The following PIP4P2 variants were observed in gnomAD, a reference collection of about 807,000 sequenced individuals.
PIP4P2 encodes the protein phosphatidylinositol-4,5-bisphosphate 4-phosphatase 2.
In PIP4P2, 19 loss-of-function variants were observed where a neutral mutation model predicts 33.3. The observed-to-expected ratio is 0.57, with a 90% CI of 0.40 to 0.84. The LOEUF (loss-of-function observed/expected upper bound fraction) is 0.84, where lower values mean the gene tolerates loss of function less well. PIP4P2 is among the 40% of genes least tolerant of loss of function. PIP4P2 has a pLI of 0.00. For missense variants in PIP4P2, 270 were observed against 324.7 expected, an observed-to-expected ratio of 0.83 and a Z score of 1.29; for synonymous variants, 110 against 111.9, an observed-to-expected ratio of 0.98 and a Z score of 0.11.
chr8:91,036,881 A>G (rs79955647), intron 1 of PIP4P2, among the ~76,000 whole-genome samples: 2,657 of 152,184 alleles, frequency 0.017, 34 homozygotes, highest in Middle Eastern at 0.051. Flanking sequence ...TGAAGGCTCA[A>G]TTGAGCTTGG....
intron 5 of PIP4P2, among the ~76,000 whole-genome samples, chr8:91,004,802 T>C (rs546069166): frequency 6.6e-6 from 1 of 152,188 alleles, no homozygotes; most frequent in South Asian, 2.1e-4. Context: ...ATAGCCTCAA[T>C]TATTTCAGAG....
At chr8:91,035,030 A>G (rs1169901836) in intron 1 of PIP4P2, among the ~76,000 whole-genome samples, 1 of 152,214 alleles carries the variant, frequency 6.6e-6, no homozygotes, top group Non-Finnish European at 1.5e-5. Context: ...TTACTGTAGG[A>G]TTTCTAAGAA....
chr8:91,019,408 AAAAAAAAAAAAAAAAAT>A (rs1170900629), intron 3 of PIP4P2, among the ~76,000 whole-genome samples: 2 of 141,844 alleles, frequency 1.4e-5, no homozygotes, highest in African/African-American at 2.6e-5. Flanking sequence ...AAAAAAAAAA[AAAAAAAAAAAAAAAAAT>A]ATATTACCTG....
intron 1 of PIP4P2, among the ~76,000 whole-genome samples, chr8:91,025,166 G>C (rs1045204158): frequency 6.6e-6 from 1 of 150,838 alleles, no homozygotes; most frequent in East Asian, 2.0e-4. Context: ...GAATTAAGAG[G>C]AAGAGGAGAA....
intron 5 of PIP4P2, 85 bp downstream of exon 5, chr8:91,008,658 C>A (rs963505856): frequency 3.0e-6 from 4 of 1,316,220 alleles, no homozygotes; most frequent in Non-Finnish European, 4.3e-6. Flanking sequence ...GTTTTAAAAT[C>A]AAAATCTACT....
chr8:91,014,554 G>C (rs1279020406), intron 4 of PIP4P2, among the ~76,000 whole-genome samples: 1 of 152,092 alleles, frequency 6.6e-6, no homozygotes, highest in Non-Finnish European at 1.5e-5. Context: ...TTAATTCATA[G>C]AAGCAGAGAG....
At chr8:91,023,792 A>C (rs1427628246) in intron 1 of PIP4P2, among the ~76,000 whole-genome samples, 1 of 152,114 alleles carries the variant, frequency 6.6e-6, no homozygotes, top group Non-Finnish European at 1.5e-5. Context: ...ATGTTTATTC[A>C]ATGGTTGAAT....
chr8:91,011,059 T>C (rs772251529), intron 4 of PIP4P2, among the ~76,000 whole-genome samples: 2 of 121,992 alleles, frequency 1.6e-5, no homozygotes, highest in Non-Finnish European at 3.8e-5. Context: ...GATAGATAGA[T>C]AGATAGACAG....
intron 4 of PIP4P2, among the ~76,000 whole-genome samples, chr8:91,011,055 TAGATAGATAGAC>T (rs142431915): frequency 0.046 from 6,815 of 148,576 alleles, 168 homozygotes; most frequent in Middle Eastern, 0.093. Flanking sequence ...GATAGATAGA[TAGATAGATAGAC>T]AGATAGATAC....
intron 1 of PIP4P2, among the ~76,000 whole-genome samples, chr8:91,031,325 A>C (rs1013922253): frequency 6.6e-6 from 1 of 152,236 alleles, no homozygotes; most frequent in Admixed American, 6.5e-5. Flanking sequence ...CAATGGTCTA[A>C]AAGGTGTCTG....
chr8:91,004,359 T>C (rs1811741408), intron 5 of PIP4P2, among the ~76,000 whole-genome samples: 1 of 151,934 alleles, frequency 6.6e-6, no homozygotes, highest in Admixed American at 6.6e-5. Flanking sequence ...TTGGATGGTG[T>C]CCACTCACAT....
Position 91,018,431 on chromosome 8 carries a change from C to T in PIP4P2, c.445G>A (p.Gly149Ser). ...AQPALPIQPE[G>S]TRVVCGHCGN... ...CAGTGCCCACACACGACCCTTGTAC[C>T]TTCTGGTTGGATTGGCAATGCAGGC... Residue 149 changes from glycine (G) to serine (S), a missense_variant, in exon 4 of 7, where the codon GGT (glycine) becomes AGT (serine). Coordinates refer to ENST00000285419, the MANE Select transcript of PIP4P2 (RefSeq NM_018710.3). 6.2e-7 allele frequency: 1 copy of T among 1,613,984 alleles called. No homozygotes were observed.
Position 91,021,331 on chromosome 8 carries a change from C to G in PIP4P2, c.180G>C (p.Val60=), listed in dbSNP as rs760951963. The change falls in exon 2 of 7, where the codon GTG becomes GTC. Residue 60 remains valine, a synonymous_variant. Transcript: ENST00000285419. ...CATCCAAATTGATTAGTGATTGGCA[C>G]ACACGGCAGTTTATTACTGGAATAC... ...ASGIPVINCR[V]CQSLINLDGK... The G allele has an allele frequency of 5.6e-6, 9 of 1,613,850 alleles. No homozygotes were observed. Among genetic ancestry groups the G allele is most frequent in the Non-Finnish European group, 7.6e-6 (9 of 1,179,834 alleles).
In PIP4P2 at chr8:90,994,540, T is replaced by A. The variant is rs73299946; in HGVS notation, c.*1137A>T. 6.6e-6 allele frequency: 1 copy of A among 152,510 alleles called. No individual in the cohort carries two copies. The highest frequency in any genetic ancestry group is 1.5e-5 in the Non-Finnish European group (1 of 67,946). The allele number at this position is 152,510 out of a possible 1,614,324, so 9.4% of individuals were successfully genotyped here. ...GAACATTTGTGATTAAGCAATTTCT[T>A]TTTCAAAACTGCAAAGATGGGCAGT... On this transcript the variant is annotated 3_prime_UTR_variant, in exon 7 of 7. Coordinates refer to ENST00000285419, the MANE Select transcript of PIP4P2 (RefSeq NM_018710.3).
At chr8:91,020,353 T>G in intron 2 of PIP4P2, 90 bp from the exon 3 acceptor site, 1 of 1,130,160 alleles carries the variant, frequency 8.8e-7, no homozygotes, top group Non-Finnish European at 1.3e-6. Flanking sequence ...AGGATTCCAT[T>G]AAAACTAATG....
Position 91,037,991 on chromosome 8 carries a change from T to C in PIP4P2, c.106+2653A>G, listed in dbSNP as rs551774605. ...ATACCTAAACAAAAACTGGCAAGTA[T>C]ATTAAACGAAGCACTGCAAGCAGGA... is the stretch of plus-strand genomic sequence containing the variant. On this transcript the variant is annotated intron_variant, in intron 1 of 6. Transcript: ENST00000285419. 1.4e-3 allele frequency among the ~76,000 whole-genome samples: 210 copies of C among 152,296 alleles called. 6 individuals carry two copies. The South Asian group carries it at 0.042, about 31-fold the overall frequency.
chr8:90,995,757 G>T lies in PIP4P2; in HGVS notation c.694C>A (p.Leu232Ile). The T allele has an allele frequency of 6.2e-7, 1 of 1,613,382 alleles. No individual in the cohort carries two copies. Among genetic ancestry groups the T allele is most frequent in the South Asian group, 1.1e-5 (1 of 90,980 alleles). ...ATYVSWAIAY[L>I]LGLICLIRAC... ...CGGATAAGGCAGATCAATCCTAGGA[G>T]ATAAGCAATTGCCCAAGAAACATAG... is the stretch of plus-strand genomic sequence containing the variant. Residue 232 changes from leucine to isoleucine, a missense_variant, in exon 7 of 7, where the codon CTC (leucine) becomes ATC (isoleucine). Transcript: ENST00000285419.
rs116452835 is a variant in PIP4P2 at position 91,010,881 on chromosome 8, C to A, written c.487-2086G>T. ...AGATCTTCTAAAATTTGACTTATTTCTAACTATTCTATAACATGTAATGGA... is the reference window on the plus strand; with the variant it reads ...AGATCTTCTAAAATTTGACTTATTTATAACTATTCTATAACATGTAATGGA... On this transcript the variant is annotated intron_variant, in intron 4 of 6. Transcript: ENST00000285419. Among the ~76,000 whole-genome samples the A allele has an allele frequency of 1.9e-3, 277 of 149,214 alleles. 1 individual carries two copies. Among genetic ancestry groups the A allele is most frequent in the African/African-American group, 6.3e-3 (255 of 40,422 alleles).
intron 4 of PIP4P2, among the ~76,000 whole-genome samples, chr8:91,010,050 ATTAC>A (rs1438617415): frequency 6.6e-6 from 1 of 151,876 alleles, no homozygotes; most frequent in African/African-American, 2.4e-5. Context: ...TTATGAGAGA[ATTAC>A]TTATAATATC....
Sources: allele counts gnomAD v4.1 joint callset (sites outside exome capture counted in the v4.1 genomes callset), GRCh38; gene constraint gnomAD v4.1.1; transcripts MANE v1.5; gene names NCBI Gene and HGNC (gene_info 2026-07-23, HGNC 2026-07-21).